Variants in JAK2 observed in about 807,000 individuals in gnomAD.
JAK2 encodes the protein Janus kinase 2, also known as tyrosine-protein kinase JAK2.
A neutral mutation model predicts 139.3 loss-of-function variants in JAK2; 86 were observed. The observed-to-expected ratio is 0.62, with a 90% CI of 0.52 to 0.74. The LOEUF (loss-of-function observed/expected upper bound fraction) is 0.74, where lower values mean the gene tolerates loss of function less well. Ranked by LOEUF, JAK2 falls within the 30% of genes least tolerant of loss-of-function variation. JAK2 has a pLI of 0.00. For missense variants in JAK2, 1,421 were observed against 1,360.3 expected (o/e 1.04, Z -0.70); for synonymous variants, 490 against 437.7 (o/e 1.12, Z -1.49).
chr9:5,041,890 G>GC (rs1201644376), intron 4 of JAK2: 1 of 419,970 alleles, frequency 2.4e-6, no homozygotes, highest in African/African-American at 2.1e-5. Context: ...GCCCATCAGG[G>GC]CGCCTGCAGA....
intron 22 of JAK2, among the ~76,000 whole-genome samples, chr9:5,103,320 A>T (rs1821680365): frequency 1.4e-5 from 2 of 145,742 alleles, no homozygotes; most frequent in South Asian, 4.2e-4. Context: ...AAAAGAGACA[A>T]AAAAGGCCAT....
At chr9:5,009,250 A>T (rs1821526074) in intron 2 of JAK2, among the ~76,000 whole-genome samples, 1 of 152,200 alleles carries the variant, frequency 6.6e-6, no homozygotes, top group Admixed American at 6.5e-5. Flanking sequence ...CCATTTATTT[A>T]TTTCTATAGG....
At chr9:5,118,861 T>G (rs540998123) in intron 22 of JAK2, among the ~76,000 whole-genome samples, 36 of 152,300 alleles carry the variant, frequency 2.4e-4, no homozygotes, top group African/African-American at 7.5e-4. Context: ...AGCAGAGAAT[T>G]AAAACCACTT....
At position 4,994,943 on chromosome 9, in the gene JAK2, CGTGT is replaced by C. The variant is rs368477952; in HGVS notation, c.-26+8933_-26+8936del. Among the ~76,000 whole-genome samples the C allele has an allele frequency of 1.1e-3, 169 of 151,112 alleles. 1 individual carries two copies. Among genetic ancestry groups the C allele is most frequent in the African/African-American group, 3.7e-3 (154 of 41,202 alleles). On this transcript the variant is annotated intron_variant, in intron 2 of 24. Transcript: ENST00000381652. ...AAATATCTTTGTACATTTGTCAGGG[CGTGT>C]GTGTGTGTGTGACTATAACTAAAGA...
chr9:5,007,434 T>G (rs891549774), intron 2 of JAK2, among the ~76,000 whole-genome samples: 5 of 152,114 alleles, frequency 3.3e-5, no homozygotes, highest in African/African-American at 7.2e-5. Context: ...ATATTTTCCA[T>G]AAGAGATTTT....
chr9:5,116,075 CAG>C (rs1823146456), intron 22 of JAK2, among the ~76,000 whole-genome samples: 2 of 151,562 alleles, frequency 1.3e-5, no homozygotes, highest in African/African-American at 2.4e-5. Flanking sequence ...AAAAAAAAAA[CAG>C]TGAACATTTA....
At chr9:5,011,394 TGC>T (rs1473255362) in intron 2 of JAK2, among the ~76,000 whole-genome samples, 1 of 152,144 alleles carries the variant, frequency 6.6e-6, no homozygotes, top group Non-Finnish European at 1.5e-5. Context: ...CTTGCTATGT[TGC>T]CAGGGCTAGT....
intron 3 of JAK2, among the ~76,000 whole-genome samples, chr9:5,029,271 C>T (rs1261101576): frequency 2.0e-5 from 3 of 152,098 alleles, no homozygotes; most frequent in Non-Finnish European, 4.4e-5. Flanking sequence ...GTTGCTGGAG[C>T]GGTCAGAACA....
intron 22 of JAK2, among the ~76,000 whole-genome samples, chr9:5,113,383 CG>C (rs1822819514): frequency 7.2e-6 from 1 of 139,174 alleles, no homozygotes; most frequent in South Asian, 2.2e-4. Flanking sequence ...TGTGCCTAAG[CG>C]TAATTTTTTT....
chr9:5,032,016 A>G (rs561084180), intron 4 of JAK2, among the ~76,000 whole-genome samples: 1 of 152,372 alleles, frequency 6.6e-6, no homozygotes, highest in Non-Finnish European at 1.5e-5. Flanking sequence ...CTAGTCAAAG[A>G]AAGGGGTGAC....
In JAK2 at chr9:5,072,616, A is replaced by G; in HGVS notation, c.1766A>G (p.Asn589Ser). The change falls in exon 13 of 25, where the codon AAC becomes AGC. Residue 589 changes from asparagine (N) to serine (S), a missense_variant. By Grantham distance (46) the Asn-to-Ser change is conservative. Coordinates refer to ENST00000381652, the MANE Select transcript of JAK2 (RefSeq NM_004972.4). ...LLKVLDKAHR[N>S]YSESFFEAAS... ...AAAGTTCTGGATAAAGCACACAGAAACTATTCAGAGGTGTGTATGTTCTTT... is the reference window on the plus strand; with the variant it reads ...AAAGTTCTGGATAAAGCACACAGAAGCTATTCAGAGGTGTGTATGTTCTTT... 6.2e-7 allele frequency: 1 copy of G among 1,604,968 alleles called. No individual in the cohort carries two copies. The highest frequency in any genetic ancestry group is 8.5e-7 in the Non-Finnish European group (1 of 1,174,950).
intron 22 of JAK2, among the ~76,000 whole-genome samples, chr9:5,119,273 GAGAAACAAATGACAGAACAAA>G (rs1202656856): frequency 1.3e-5 from 2 of 151,956 alleles, no homozygotes; most frequent in Non-Finnish European, 2.9e-5. Context: ...TTTAAAACCT[GAGAAACAAATGACAGAACAAA>G]TGCATGGAGG....
intron 6 of JAK2, among the ~76,000 whole-genome samples, chr9:5,052,633 A>T (rs1022388097): frequency 1.3e-5 from 2 of 152,102 alleles, no homozygotes; most frequent in African/African-American, 4.8e-5. Context: ...CATGCCCATT[A>T]GCATTCAGTC....
At chr9:5,109,861 C>T (rs1255553038) in intron 22 of JAK2, 1 of 152,154 alleles carries the variant, frequency 6.6e-6, no homozygotes, top group Non-Finnish European at 1.5e-5. Context: ...TTCCAATATT[C>T]CACCAACAAA....
chr9:5,065,113 TGA>T, intron 9 of JAK2, 73 bp downstream of exon 9: 1 of 976,018 alleles, frequency 1.0e-6, no homozygotes, highest in South Asian at 2.7e-5. Flanking sequence ...TTTAACAGAG[TGA>T]TACATGTATG....
In JAK2 at chr9:5,073,775, T is replaced by C. The variant is rs1191020470; in HGVS notation, c.1854T>C (p.Cys618=). 1.2e-6 allele frequency: 2 copies of C among 1,604,714 alleles called. No homozygotes were observed. The highest frequency in any genetic ancestry group is 2.2e-5 in the East Asian group (1 of 44,778). Residue 618 remains cysteine, a synonymous_variant, in exon 14 of 25, where the codon TGT becomes TGC. Coordinates refer to ENST00000381652, the MANE Select transcript of JAK2 (RefSeq NM_004972.4). ...HLVLNYGVCV[C]GDENILVQEF... is the part of the protein sequence containing the mutation. ...TTTTAAATTATGGAGTATGTGTCTG[T>C]GGAGACGAGAGTAAGTAAAACTACA...
chr9:5,071,140 A>G (rs1324630072), intron 12 of JAK2, among the ~76,000 whole-genome samples: 2 of 152,198 alleles, frequency 1.3e-5, no homozygotes, highest in Non-Finnish European at 2.9e-5. Context: ...GAGAAATCCT[A>G]AATTAAAAGT....
intron 3 of JAK2, among the ~76,000 whole-genome samples, chr9:5,026,142 T>C (rs557678945): frequency 5.6e-4 from 86 of 152,360 alleles, no homozygotes; most frequent in African/African-American, 2.0e-3. Context: ...TGTCTTCTAC[T>C]ATATTGAGTT....
chr9:5,086,001 A>T, intron 19 of JAK2: 1 of 858,508 alleles, frequency 1.2e-6, no homozygotes, highest in Non-Finnish European at 2.0e-6. Flanking sequence ...TGTGTGATGA[A>T]ACTGTGATAT....
Sources: allele counts gnomAD v4.1 joint callset (sites outside exome capture counted in the v4.1 genomes callset), GRCh38; gene constraint gnomAD v4.1.1; transcripts MANE v1.5; gene names NCBI Gene and HGNC (gene_info 2026-07-23, HGNC 2026-07-21).